PRDM5: variants seen among roughly 807,000 people sequenced by gnomAD.
The protein encoded by PRDM5 is PR/SET domain 5, also known as PR domain zinc finger protein 5.
Under a neutral mutation model 81.2 loss-of-function variants are expected in PRDM5, and 56 were observed. The ratio of observed to expected loss-of-function variants is 0.69; its 90% CI spans 0.56 to 0.86. The LOEUF (loss-of-function observed/expected upper bound fraction) is 0.86, where lower values mean the gene tolerates loss of function less well. Among genes scored for constraint, PRDM5 ranks in the 40% least tolerant of loss-of-function variants. The pLI is 0.00. For synonymous variants in PRDM5, 267 were observed against 256.4 expected (o/e 1.04, Z -0.39); for missense variants, 697 against 770.1 (o/e 0.91, Z 1.12).
intron 10 of PRDM5, among the ~76,000 whole-genome samples, chr4:120,793,701 A>C (rs1333692286): frequency 3.9e-5 from 6 of 152,334 alleles, no homozygotes; most frequent in African/African-American, 1.4e-4. Flanking sequence ...GAAATGGCTA[A>C]ATCAAGCTAA....
At chr4:120,842,353 C>G (rs954102060) in intron 3 of PRDM5, among the ~76,000 whole-genome samples, 8 of 152,180 alleles carry the variant, frequency 5.3e-5, no homozygotes, top group African/African-American at 1.2e-4. Flanking sequence ...CATTTGCTTT[C>G]TGTTATTTTA....
chr4:120,788,909 C>T (rs777792416), intron 10 of PRDM5, among the ~76,000 whole-genome samples: 1 of 152,184 alleles, frequency 6.6e-6, no homozygotes, highest in East Asian at 1.9e-4. Flanking sequence ...TTAAGTAAGG[C>T]ACAGTAAGAT....
chr4:120,699,193 TATATATATA>T lies in PRDM5; in HGVS notation c.1729-3927_1729-3919del, dbSNP rs1734990521. Among the ~76,000 whole-genome samples, 5 of 128,946 alleles carry T rather than the reference TATATATATA, an allele frequency of 3.9e-5. No homozygotes were observed. In the Middle Eastern group the frequency reaches 0.013, roughly 333 times the overall value. 84.6% of individuals were successfully genotyped at this position (128,946 alleles called of 152,430 possible). ...ATATATATATATATATATATATATA[TATATATATA>T]TATTTCAGATGTCTCCTTAATAATT... On this transcript the variant is annotated intron_variant, in intron 15 of 15. Coordinates refer to ENST00000264808, the MANE Select transcript of PRDM5 (RefSeq NM_018699.4).
chr4:120,792,938 G>A (rs1234438902), intron 10 of PRDM5, among the ~76,000 whole-genome samples: 1 of 152,082 alleles, frequency 6.6e-6, no homozygotes, highest in Admixed American at 6.5e-5. Flanking sequence ...AGGGAGGAAT[G>A]GGAAGATGTT....
chr4:120,816,319 C>T, intron 7 of PRDM5, 134 bp downstream of exon 7: 1 of 1,439,066 alleles, frequency 6.9e-7, no homozygotes, highest in Non-Finnish European at 9.7e-7. Flanking sequence ...AAAAAATCCA[C>T]TGCCAGCGCT....
At chr4:120,768,756 C>G (rs1273865732) in intron 13 of PRDM5, among the ~76,000 whole-genome samples, 1 of 152,156 alleles carries the variant, frequency 6.6e-6, no homozygotes, top group Non-Finnish European at 1.5e-5. Context: ...ACTTTAAAAA[C>G]TAGGAAACTC....
intron 10 of PRDM5, among the ~76,000 whole-genome samples, chr4:120,787,699 T>G (rs1232383733): frequency 2.2e-4 from 33 of 152,208 alleles, no homozygotes; most frequent in Non-Finnish European, 1.0e-4. Flanking sequence ...ATTTGTGATC[T>G]GAGCAATGCA....
chr4:120,881,049 A>G (rs1271909276), intron 2 of PRDM5, among the ~76,000 whole-genome samples: 2 of 152,142 alleles, frequency 1.3e-5, no homozygotes, highest in African/African-American at 4.8e-5. Flanking sequence ...ATTAAAATCA[A>G]CTGAATTTTT....
intron 8 of PRDM5, among the ~76,000 whole-genome samples, chr4:120,809,002 A>T (rs1410054506): frequency 2.6e-5 from 4 of 152,178 alleles, no homozygotes; most frequent in Non-Finnish European, 5.9e-5. Context: ...TCCAGCCCAG[A>T]AGGGGGCTCC....
chr4:120,719,248 C>G (rs374318724), intron 14 of PRDM5, among the ~76,000 whole-genome samples: 1 of 152,238 alleles, frequency 6.6e-6, no homozygotes, highest in Admixed American at 6.5e-5. Flanking sequence ...CCCTGGGGGG[C>G]AAACCACAGA....
intron 13 of PRDM5, among the ~76,000 whole-genome samples, chr4:120,770,295 C>T (rs1368829506): frequency 6.6e-6 from 1 of 152,110 alleles, no homozygotes; most frequent in Non-Finnish European, 1.5e-5. Flanking sequence ...TCCCAAAGTG[C>T]TGAGATTACA....
intron 13 of PRDM5, among the ~76,000 whole-genome samples, chr4:120,767,205 T>G (rs535764661): frequency 6.6e-6 from 1 of 152,156 alleles, no homozygotes; most frequent in Non-Finnish European, 1.5e-5. Flanking sequence ...AATAATCCAA[T>G]AGCTAATTTA....
intron 3 of PRDM5, among the ~76,000 whole-genome samples, chr4:120,835,230 A>C (rs547125792): frequency 6.6e-6 from 1 of 152,342 alleles, no homozygotes; most frequent in Admixed American, 6.5e-5. Context: ...TCAACCACCA[A>C]AGAAATAAAA....
At chr4:120,719,939 T>A (rs1355683614) in intron 14 of PRDM5, among the ~76,000 whole-genome samples, 6 of 150,838 alleles carry the variant, frequency 4.0e-5, no homozygotes, top group Non-Finnish European at 7.4e-5. Flanking sequence ...GGAAGATGGA[T>A]CATGTAAACA....
At chr4:120,723,466 G>C (rs547806808) in intron 14 of PRDM5, among the ~76,000 whole-genome samples, 1 of 152,080 alleles carries the variant, frequency 6.6e-6, no homozygotes, top group Admixed American at 6.6e-5. Context: ...TAAGTGTTTA[G>C]ATTTTATTTT....
chr4:120,778,311 A>G (rs1748478601), intron 12 of PRDM5, among the ~76,000 whole-genome samples: 1 of 152,124 alleles, frequency 6.6e-6, no homozygotes, highest in South Asian at 2.1e-4. Flanking sequence ...GACAAGTGGT[A>G]TTTGAACTGA....
At chr4:120,759,742 C>T (rs72678303) in intron 13 of PRDM5, among the ~76,000 whole-genome samples, 7,072 of 152,246 alleles carry the variant, frequency 0.046, 323 homozygotes, top group Middle Eastern at 0.15. Context: ...CTTCAAATAA[C>T]GACTATGTTT....
At chr4:120,755,449 G>C (rs540845242) in intron 13 of PRDM5, among the ~76,000 whole-genome samples, 10 of 152,144 alleles carry the variant, frequency 6.6e-5, no homozygotes, top group African/African-American at 9.7e-5. Context: ...CTAGACCCTG[G>C]CTGCAATCAA....
intron 14 of PRDM5, among the ~76,000 whole-genome samples, chr4:120,749,244 C>G (rs1485954559): frequency 1.3e-5 from 2 of 151,710 alleles, no homozygotes; most frequent in East Asian, 3.9e-4. Context: ...TCACCTTTGT[C>G]AGAGCAAGAG....
Sources: gnomAD v4.1 joint callset for allele counts (sites outside exome capture counted in the v4.1 genomes callset) on GRCh38, gnomAD v4.1.1 for gene constraint, MANE v1.5 for transcripts, NCBI Gene and HGNC (gene_info 2026-07-23, HGNC 2026-07-21) for gene names.